Variants in EXOC4 observed in about 807,000 individuals in gnomAD.
EXOC4 encodes the protein SEC8-like 1.
A neutral mutation model predicts 107.2 loss-of-function variants in EXOC4; 71 were observed. The ratio of observed to expected loss-of-function variants is 0.66; its 90% CI spans 0.55 to 0.81. The LOEUF is 0.81. EXOC4 is among the 30% of genes least tolerant of loss of function. The probability of loss-of-function intolerance (pLI) is 0.00; values close to 1 mark genes in which losing one functional copy is unlikely to be tolerated. For synonymous variants in EXOC4, 456 were observed against 441.2 expected, an observed-to-expected ratio of 1.03 and a Z score of -0.42; for missense variants, 1,108 against 1,189.6, an observed-to-expected ratio of 0.93 and a Z score of 1.01.
chr7:134,011,780 G>T (rs1585320476), intron 17 of EXOC4, among the ~76,000 whole-genome samples: 1 of 147,954 alleles, frequency 6.8e-6, no homozygotes, highest in South Asian at 2.1e-4. Flanking sequence ...AATATATGCT[G>T]TAGTTAAAAA....
At chr7:133,901,786 C>T (rs1323732852) in intron 12 of EXOC4, among the ~76,000 whole-genome samples, 1 of 152,154 alleles carries the variant, frequency 6.6e-6, no homozygotes, top group East Asian at 1.9e-4. Context: ...TTGCTGGTGT[C>T]TTCCCAGCCT....
intron 14 of EXOC4, among the ~76,000 whole-genome samples, chr7:133,956,062 G>A (rs1466082702): frequency 1.3e-5 from 2 of 152,230 alleles, no homozygotes; most frequent in Admixed American, 1.3e-4. Context: ...GCCCCCAAGA[G>A]CACAGGGAGG....
intron 10 of EXOC4, among the ~76,000 whole-genome samples, chr7:133,805,545 G>C (rs764709353): frequency 6.6e-6 from 1 of 152,206 alleles, no homozygotes; most frequent in Admixed American, 6.5e-5. Flanking sequence ...CTCCATAGCA[G>C]AATTCTGTGG....
At chr7:133,887,528 AG>A (rs1228904627) in intron 11 of EXOC4, among the ~76,000 whole-genome samples, 1 of 152,196 alleles carries the variant, frequency 6.6e-6, no homozygotes, top group Non-Finnish European at 1.5e-5. Flanking sequence ...TGAAAGTACC[AG>A]TACACAAATT....
Position 133,503,991 on chromosome 7 carries a change from G to GTATA in EXOC4, c.1417+23863_1417+23866dup, listed in dbSNP as rs112703166. Among the ~76,000 whole-genome samples, 158 of 150,830 alleles carry GTATA rather than the reference G, an allele frequency of 1.0e-3. 1 individual carries two copies. Among genetic ancestry groups the GTATA allele is most frequent in the African/African-American group, 3.6e-3 (149 of 41,092 alleles). ...CATAGACACACGTATGTATATGTGTGTATATATATATATGTATACATACAC... is the reference window on the plus strand; with the variant it reads ...CATAGACACACGTATGTATATGTGTGTATATATATATATATATGTATACATACAC... On this transcript the variant is annotated intron_variant, in intron 9 of 17. Transcript: ENST00000253861.
At chr7:133,713,647 T>C (rs1562920566) in intron 10 of EXOC4, among the ~76,000 whole-genome samples, 1 of 152,136 alleles carries the variant, frequency 6.6e-6, no homozygotes, top group Non-Finnish European at 1.5e-5. Flanking sequence ...AGAGACCAGG[T>C]GGAGGTAATT....
At chr7:133,872,700 G>A (rs1798775081) in intron 11 of EXOC4, among the ~76,000 whole-genome samples, 1 of 152,138 alleles carries the variant, frequency 6.6e-6, no homozygotes, top group Non-Finnish European at 1.5e-5. Flanking sequence ...AGTTACATGG[G>A]AACTGTGGTA....
At chr7:133,291,126 CA>C (rs755483376) in intron 3 of EXOC4, 4 of 151,548 alleles carry the variant, frequency 2.6e-5, no homozygotes, top group Non-Finnish European at 5.9e-5. Context: ...CTGGTTGGGG[CA>C]GGGGGCGTGG....
At chr7:133,552,652 G>C (rs930731174) in intron 9 of EXOC4, among the ~76,000 whole-genome samples, 1 of 152,078 alleles carries the variant, frequency 6.6e-6, no homozygotes, top group East Asian at 1.9e-4. Flanking sequence ...AATGAGGAGG[G>C]ATAGTTTCCT....
In EXOC4 at chr7:133,507,174, C is replaced by T. The variant is rs555453983; in HGVS notation, c.1417+27036C>T. Among the ~76,000 whole-genome samples, 87 of 152,008 alleles carry T rather than the reference C, an allele frequency of 5.7e-4. 1 individual carries two copies. Among genetic ancestry groups the T allele is most frequent in the African/African-American group, 2.0e-3 (83 of 41,468 alleles). ...TAATCTGTTCTAGTGTCTCACAGTC[C>T]TTATTAACTTTCTCAACTTAAAAAA... On this transcript the variant is annotated intron_variant, in intron 9 of 17. Transcript: ENST00000253861.
intron 7 of EXOC4, among the ~76,000 whole-genome samples, chr7:133,446,479 G>C (rs1798222928): frequency 6.6e-6 from 1 of 152,136 alleles, no homozygotes; most frequent in African/African-American, 2.4e-5. Flanking sequence ...CTGTTAGCTA[G>C]TGAAAACATG....
intron 5 of EXOC4, among the ~76,000 whole-genome samples, chr7:133,349,812 A>G (rs1795867964): frequency 6.6e-6 from 1 of 151,662 alleles, no homozygotes; most frequent in Non-Finnish European, 1.5e-5. Context: ...CAATTTCTCC[A>G]CATCCTTGCC....
intron 9 of EXOC4, among the ~76,000 whole-genome samples, chr7:133,487,867 A>G (rs920526150): frequency 4.6e-5 from 7 of 152,202 alleles, no homozygotes; most frequent in Non-Finnish European, 7.4e-5. Flanking sequence ...ATAAGGTAAA[A>G]ATAACAGCTT....
At chr7:134,027,493 A>G (rs1795167486) in intron 17 of EXOC4, among the ~76,000 whole-genome samples, 1 of 152,034 alleles carries the variant, frequency 6.6e-6, no homozygotes. Context: ...CCCTGTCTCT[A>G]CTGAAAATAC....
intron 16 of EXOC4, among the ~76,000 whole-genome samples, chr7:134,006,329 T>C (rs959416355): frequency 6.6e-6 from 1 of 152,102 alleles, no homozygotes; most frequent in Non-Finnish European, 1.5e-5. Context: ...AAACTGTACC[T>C]AAAGTTACAG....
chr7:133,756,033 T>TG (rs1795910426), intron 10 of EXOC4, among the ~76,000 whole-genome samples: 1 of 151,956 alleles, frequency 6.6e-6, no homozygotes, highest in South Asian at 2.1e-4. Context: ...CCAACATAAC[T>TG]TCTTTTAGTT....
intron 9 of EXOC4, among the ~76,000 whole-genome samples, chr7:133,566,100 G>A (rs1356297945): frequency 6.6e-6 from 1 of 152,134 alleles, no homozygotes; most frequent in African/African-American, 2.4e-5. Context: ...AAGTGTATTG[G>A]CCTATATGAA....
rs1491428313 is a variant in EXOC4, at chr7:133,854,449, CAT to C, written c.1734+36907_1734+36908del. On this transcript the variant is annotated intron_variant, in intron 11 of 17. Coordinates refer to ENST00000253861, the MANE Select transcript of EXOC4 (RefSeq NM_021807.4). ...ACACACACACACACACACACACACA[CAT>C]ACATTTTAATCCTGTGCTTCACATG... Among the ~76,000 whole-genome samples the C allele has an allele frequency of 1.7e-3, 254 of 146,504 alleles. 1 individual carries two copies. Among genetic ancestry groups the C allele is most frequent in the South Asian group, 5.1e-3 (23 of 4,480 alleles).
intron 17 of EXOC4, among the ~76,000 whole-genome samples, chr7:134,031,744 T>G (rs369382580): frequency 6.6e-6 from 1 of 152,194 alleles, no homozygotes; most frequent in African/African-American, 2.4e-5. Flanking sequence ...AGAAGGAAAC[T>G]TCTATGCAAG....
Sources: allele counts gnomAD v4.1 joint callset (sites outside exome capture counted in the v4.1 genomes callset), GRCh38; gene constraint gnomAD v4.1.1; transcripts MANE v1.5; gene names NCBI Gene and HGNC (gene_info 2026-07-23, HGNC 2026-07-21).